DIAPH2: variants seen among roughly 807,000 people sequenced by gnomAD.
DIAPH2 encodes the protein protein diaphanous homolog 2.
DIAPH2 carries 35 observed loss-of-function variants against 92.7 expected under a neutral mutation model. The observed-to-expected ratio is 0.38, with a 90% CI of 0.29 to 0.50. The LOEUF is 0.50. Among genes scored for constraint, DIAPH2 ranks in the 20% least tolerant of loss-of-function variants. The pLI, the probability that DIAPH2 is intolerant of heterozygous loss-of-function variation, is 0.94. For missense variants in DIAPH2, 701 were observed against 819.5 expected (o/e 0.86, Z 1.77); for synonymous variants, 301 against 280.4 (o/e 1.07, Z -0.73).
chrX:96,927,699 G>A (rs781287993), intron 9 of DIAPH2, among the ~76,000 whole-genome samples: 13 of 111,145 alleles, frequency 1.2e-4, no homozygotes, highest in Non-Finnish European at 2.3e-4. Flanking sequence ...GTGTGTGTGC[G>A]TGTATGCATG....
At chrX:96,794,920 A>G (rs745781479) in intron 4 of DIAPH2, among the ~76,000 whole-genome samples, 45 of 111,627 alleles carry the variant, frequency 4.0e-4, no homozygotes, top group Non-Finnish European at 7.7e-4. Context: ...CATAACTCCA[A>G]TCTTTTCTTC....
chrX:97,145,259 T>C (rs2067236925), intron 22 of DIAPH2, among the ~76,000 whole-genome samples: 1 of 101,679 alleles, frequency 9.8e-6, no homozygotes, highest in Non-Finnish European at 2.0e-5. Context: ...ATAGTAAGTA[T>C]GCGGCTGTTG....
chrX:97,298,716 G>A (rs1167298342), intron 23 of DIAPH2, among the ~76,000 whole-genome samples: 4 of 106,134 alleles, frequency 3.8e-5, no homozygotes, highest in African/African-American at 6.9e-5. Context: ...CCGGGTTCAC[G>A]CCTTTCTCCT....
At chrX:97,545,138 C>G (rs1404658007) in intron 26 of DIAPH2, among the ~76,000 whole-genome samples, 2 of 111,123 alleles carry the variant, frequency 1.8e-5, no homozygotes, top group Non-Finnish European at 3.8e-5. Context: ...CCTTTCCTAC[C>G]TCTATGTCTT....
intron 17 of DIAPH2, among the ~76,000 whole-genome samples, chrX:96,982,487 A>C (rs781033591): frequency 1.8e-5 from 2 of 112,146 alleles, no homozygotes; most frequent in Non-Finnish European, 3.8e-5. Context: ...ATTGCTTTTA[A>C]TAGTAGGTAA....
At chrX:96,712,035 T>C (rs1420471136) in intron 1 of DIAPH2, among the ~76,000 whole-genome samples, 1 of 111,588 alleles carries the variant, frequency 9.0e-6, no homozygotes, top group East Asian at 2.8e-4. Flanking sequence ...AATAAGCAGA[T>C]TTATTACAAA....
intron 22 of DIAPH2, among the ~76,000 whole-genome samples, chrX:97,237,010 C>T (rs192564458): frequency 3.6e-5 from 4 of 111,790 alleles, no homozygotes; most frequent in African/African-American, 9.7e-5. Flanking sequence ...GTTTGTTCTT[C>T]GTGACCTTTT....
chrX:96,759,843 T>C (rs2064257006), intron 4 of DIAPH2, among the ~76,000 whole-genome samples: 1 of 111,889 alleles, frequency 8.9e-6, no homozygotes, highest in African/African-American at 3.2e-5. Flanking sequence ...TTTTCATTTA[T>C]TCTCATATTA....
chrX:96,854,802 A>G (rs1438630672), intron 4 of DIAPH2, among the ~76,000 whole-genome samples: 1 of 106,233 alleles, frequency 9.4e-6, no homozygotes, highest in Admixed American at 1.0e-4. Flanking sequence ...TTTAAAACAC[A>G]TGAGTTTTTT....
intron 13 of DIAPH2, 37 bp downstream of exon 13, chrX:96,942,173 T>C: frequency 1.2e-6 from 1 of 854,560 alleles, no homozygotes; most frequent in African/African-American, 2.0e-5. Flanking sequence ...CTGATTGTGT[T>C]TTGTGCCTTC....
chrX:96,924,987 A>G (rs1317699469), intron 9 of DIAPH2, among the ~76,000 whole-genome samples: 1 of 110,909 alleles, frequency 9.0e-6, no homozygotes, highest in Non-Finnish European at 1.9e-5. Context: ...TGTTTCATTT[A>G]AATTCTCTTA....
At position 97,078,127 on chromosome X, in the gene DIAPH2, C is replaced by T. The variant is rs181881408; in HGVS notation, c.2247+2866C>T. Among the ~76,000 whole-genome samples, 390 of 110,572 alleles carry T rather than the reference C, an allele frequency of 3.5e-3. 3 individuals carry two copies. The highest frequency in any genetic ancestry group is 0.012 in the African/African-American group (380 of 30,447). On this transcript the variant is annotated intron_variant, in intron 19 of 26. Transcript: ENST00000324765. The stretch of plus-strand genomic sequence containing the variant: ...AGCATTGACAGAGTAATGAAACGAG[C>T]GGTTTGAAAAAAGTGATGCATGTGT...
At chrX:97,297,538 T>A (rs1346802380) in intron 23 of DIAPH2, among the ~76,000 whole-genome samples, 2 of 109,075 alleles carry the variant, frequency 1.8e-5, no homozygotes, top group African/African-American at 6.7e-5. Flanking sequence ...AGCTAGTGAG[T>A]GAAAGTATCC....
At chrX:97,356,874 GT>G (rs1319886573) in intron 24 of DIAPH2, among the ~76,000 whole-genome samples, 1 of 111,448 alleles carries the variant, frequency 9.0e-6, no homozygotes, top group African/African-American at 3.3e-5. Flanking sequence ...TAAAAAAACA[GT>G]TTTTTCTAAA....
chrX:97,384,018 A>C lies in DIAPH2; in HGVS notation c.3119A>C (p.Lys1040Thr). Reference sequence around the variant, plus strand: ...GAAAAGTTAGAACGCCAGAAGAAAAAGAAACAACTCATTGATATAAACAAA... The same window carrying C: ...GAAAAGTTAGAACGCCAGAAGAAAACGAAACAACTCATTGATATAAACAAA... ...EQEKLERQKK[K>T]KQLIDINKEG... The change falls in exon 25 of 27, where the codon AAG (lysine) becomes ACG (threonine). Residue 1040 changes from lysine (K) to threonine (T), a missense_variant. This residue lies in a region of DIAPH2 where 536 missense variants were observed against 599.3 expected (regional missense o/e 0.89). Coordinates refer to ENST00000324765, the MANE Select transcript of DIAPH2 (RefSeq NM_006729.5). The C allele has an allele frequency of 8.3e-7, 1 of 1,201,576 alleles. No homozygotes were observed. The highest frequency in any genetic ancestry group is 1.1e-6 in the Non-Finnish European group (1 of 890,168).
At chrX:96,977,974 G>A (rs947454022) in intron 17 of DIAPH2, among the ~76,000 whole-genome samples, 14 of 112,045 alleles carry the variant, frequency 1.2e-4, no homozygotes, top group African/African-American at 4.2e-4. Flanking sequence ...GTGAGCCACC[G>A]CGCCTGGCCA....
chrX:97,557,905 G>T (rs1177492719), intron 26 of DIAPH2, among the ~76,000 whole-genome samples: 2 of 111,457 alleles, frequency 1.8e-5, no homozygotes, highest in Admixed American at 9.5e-5. Context: ...TACTTGAGGG[G>T]ATTTGACAAG....
At chrX:97,302,764 C>G (rs568652479) in intron 23 of DIAPH2, among the ~76,000 whole-genome samples, 2 of 111,024 alleles carry the variant, frequency 1.8e-5, no homozygotes, top group African/African-American at 6.5e-5. Context: ...GCAGGCAGAT[C>G]ATCTGAGGTC....
intron 23 of DIAPH2, among the ~76,000 whole-genome samples, chrX:97,288,537 T>A (rs2068564092): frequency 9.2e-6 from 1 of 108,333 alleles, no homozygotes; most frequent in East Asian, 2.9e-4. Flanking sequence ...AGGTCAGGAG[T>A]TCGAGAACAG....
Sources: gnomAD v4.1 joint callset for allele counts (sites outside exome capture counted in the v4.1 genomes callset) on GRCh38, gnomAD v4.1.1 for gene constraint, gnomAD v4.1.1 regional missense constraint, MANE v1.5 for transcripts, NCBI Gene and HGNC (gene_info 2026-07-23, HGNC 2026-07-21) for gene names.